CDK19: variants seen among roughly 807,000 people sequenced by gnomAD.
CDK19 encodes cyclin dependent kinase 19, also known as cyclin-dependent kinase 19.
In CDK19, 20 loss-of-function variants were observed where a neutral mutation model predicts 68.3. The observed-to-expected ratio is 0.29, with a 90% CI of 0.21 to 0.43. CDK19 has a LOEUF of 0.43. CDK19 is among the 20% of genes least tolerant of loss of function. The pLI is 1.00. For synonymous variants in CDK19, 221 were observed against 222.8 expected, an observed-to-expected ratio of 0.99 and a Z score of 0.07; for missense variants, 339 against 623.5, an observed-to-expected ratio of 0.54 and a Z score of 4.86.
intron 2 of CDK19, among the ~76,000 whole-genome samples, chr6:110,733,560 T>C (rs2114808454): frequency 6.6e-6 from 1 of 152,324 alleles, no homozygotes; most frequent in South Asian, 2.1e-4. Context: ...CGTTTCATGC[T>C]TCCATCAGTA....
chr6:110,795,460 TTAC>T (rs1781875178), intron 1 of CDK19, among the ~76,000 whole-genome samples: 1 of 152,218 alleles, frequency 6.6e-6, no homozygotes, highest in Non-Finnish European at 1.5e-5. Flanking sequence ...ACAGCTCTAA[TTAC>T]TATCATGCTA....
intron 6 of CDK19, among the ~76,000 whole-genome samples, chr6:110,628,946 A>G (rs951375941): frequency 1.3e-5 from 2 of 152,212 alleles, no homozygotes; most frequent in African/African-American, 4.8e-5. Flanking sequence ...ATGAACATCC[A>G]TCACTACAGA....
In CDK19 at chr6:110,614,383, G is replaced by T; in HGVS notation, c.*152C>A. The T allele has an allele frequency of 1.6e-6, 1 of 619,470 alleles. No individual in the cohort carries two copies. The highest frequency in any genetic ancestry group is 2.7e-6 in the Non-Finnish European group (1 of 367,146). 38.4% of individuals were successfully genotyped at this position (619,470 alleles called of 1,614,324 possible). ...TTAAGTCAATAAAGAAGAGCTATCA[G>T]TCCTGCACAATGCTCAGTATATAAG... On this transcript the variant is annotated 3_prime_UTR_variant, in exon 13 of 13. Transcript: ENST00000368911.
Position 110,612,910 on chromosome 6 carries a change from C to G in CDK19, c.*1625G>C, listed in dbSNP as rs1778101164. ...GTGCAAAATGTATACTGGCTTCTGT[C>G]TAATCTTATTTTACTTGTGTATGGA... On this transcript the variant is annotated 3_prime_UTR_variant, in exon 13 of 13. Transcript: ENST00000368911. 1 of 152,620 alleles carries G rather than the reference C, an allele frequency of 6.6e-6. No individual in the cohort carries two copies. The highest frequency in any genetic ancestry group is 2.4e-5 in the African/African-American group (1 of 41,452). The allele number at this position is 152,620 out of a possible 1,614,324, so 9.5% of individuals were successfully genotyped here.
intron 1 of CDK19, among the ~76,000 whole-genome samples, chr6:110,791,962 A>G (rs997404674): frequency 6.7e-6 from 1 of 150,326 alleles, no homozygotes; most frequent in African/African-American, 2.4e-5. Context: ...CATGTTTTCT[A>G]ATTTTTTCTT....
intron 2 of CDK19, among the ~76,000 whole-genome samples, chr6:110,712,892 A>G (rs1287667271): frequency 6.6e-6 from 1 of 152,142 alleles, no homozygotes; most frequent in Non-Finnish European, 1.5e-5. Flanking sequence ...AAACAGTTTG[A>G]GACATACTGT....
intron 4 of CDK19, among the ~76,000 whole-genome samples, chr6:110,657,799 A>G (rs1174038806): frequency 6.6e-6 from 1 of 152,216 alleles, no homozygotes; most frequent in African/African-American, 2.4e-5. Context: ...ACCCTGAGTT[A>G]AACCTTAAGA....
At chr6:110,774,969 T>C (rs1554221820) in intron 1 of CDK19, among the ~76,000 whole-genome samples, 1 of 150,712 alleles carries the variant, frequency 6.6e-6, no homozygotes, top group Non-Finnish European at 1.5e-5. Flanking sequence ...CAAAATAGGC[T>C]GGGTGCGGTG....
intron 1 of CDK19, among the ~76,000 whole-genome samples, chr6:110,752,463 G>GCT (rs1459762150): frequency 2.0e-5 from 3 of 152,098 alleles, no homozygotes; most frequent in Non-Finnish European, 4.4e-5. Flanking sequence ...ATAAGGTACT[G>GCT]CTATTATTTT....
rs1778134354 is a variant in CDK19, at chr6:110,613,555, G to A, written c.*980C>T. On this transcript the variant is annotated 3_prime_UTR_variant, in exon 13 of 13. Transcript: ENST00000368911. ...GAAAGTTACTCACGCAGACCCAGAT[G>A]TGAAGAAACCAATGGTTCTTTAGAG... The A allele has an allele frequency of 6.6e-6, 1 of 152,598 alleles. No homozygotes were observed. The highest frequency in any genetic ancestry group is 2.1e-4 in the South Asian group (1 of 4,828). The allele number at this position is 152,598 out of a possible 1,614,324, so 9.5% of individuals were successfully genotyped here. A position where few individuals can be genotyped will look rare whatever the true frequency, so the allele number is the denominator to read the frequency against.
At chr6:110,789,514 T>A (rs1331704688) in intron 1 of CDK19, among the ~76,000 whole-genome samples, 1 of 152,152 alleles carries the variant, frequency 6.6e-6, no homozygotes, top group African/African-American at 2.4e-5. Flanking sequence ...CTTCACCTTG[T>A]GATTAATCCG....
chr6:110,617,182 C>T (rs960682747), intron 12 of CDK19, among the ~76,000 whole-genome samples: 1 of 152,154 alleles, frequency 6.6e-6, no homozygotes, highest in Non-Finnish European at 1.5e-5. Context: ...ACCAGAACCC[C>T]ACTTCCCCAA....
intron 3 of CDK19, among the ~76,000 whole-genome samples, chr6:110,669,269 T>A (rs1174925540): frequency 6.6e-6 from 1 of 152,236 alleles, no homozygotes; most frequent in Non-Finnish European, 1.5e-5. Context: ...GTTAAAGTTA[T>A]TCCTCAACAG....
intron 4 of CDK19, among the ~76,000 whole-genome samples, chr6:110,655,322 C>T (rs910319583): frequency 1.2e-4 from 18 of 151,154 alleles, no homozygotes; most frequent in African/African-American, 1.7e-4. Context: ...GCCGAGATCG[C>T]GCCACTGCAC....
At chr6:110,810,045 C>T (rs1447306974) in intron 1 of CDK19, among the ~76,000 whole-genome samples, 1 of 151,982 alleles carries the variant, frequency 6.6e-6, no homozygotes, top group Non-Finnish European at 1.5e-5. Context: ...CAACACCATT[C>T]TAAAGTGAAT....
chr6:110,719,163 T>C (rs1282422489), intron 2 of CDK19, among the ~76,000 whole-genome samples: 1 of 152,100 alleles, frequency 6.6e-6, no homozygotes, highest in Non-Finnish European at 1.5e-5. Flanking sequence ...AGGGAAAGCA[T>C]GAGACAAAAA....
intron 2 of CDK19, among the ~76,000 whole-genome samples, chr6:110,695,122 AG>A (rs1443354490): frequency 6.6e-6 from 1 of 151,554 alleles, no homozygotes; most frequent in African/African-American, 2.4e-5. Flanking sequence ...GAAAGGAGAA[AG>A]GGTAAAGGGG....
At chr6:110,796,620 A>G (rs778375628) in intron 1 of CDK19, among the ~76,000 whole-genome samples, 12 of 151,504 alleles carry the variant, frequency 7.9e-5, no homozygotes, top group Non-Finnish European at 1.5e-4. Context: ...CTGCACCCCA[A>G]CCTGAGCAAT....
chr6:110,689,718 T>C (rs1488900994), intron 2 of CDK19, among the ~76,000 whole-genome samples: 1 of 152,184 alleles, frequency 6.6e-6, no homozygotes, highest in Admixed American at 6.5e-5. Flanking sequence ...CCGGCCACCC[T>C]CATCAGACTT....
Sources: allele counts gnomAD v4.1 joint callset (sites outside exome capture counted in the v4.1 genomes callset), GRCh38; gene constraint gnomAD v4.1.1; transcripts MANE v1.5; gene names NCBI Gene and HGNC (gene_info 2026-07-23, HGNC 2026-07-21).